The following SIDT1 variants were observed in gnomAD, a reference collection of about 807,000 sequenced individuals.
SIDT1 encodes the protein SID1 transmembrane family, member 1.
A neutral mutation model predicts 107.5 loss-of-function variants in SIDT1; 101 were observed. The observed-to-expected ratio is 0.94, with a 90% CI of 0.80 to 1.11. The LOEUF (loss-of-function observed/expected upper bound fraction) is 1.11. SIDT1 is among the 50% of genes least tolerant of loss of function. The pLI is 0.00. For synonymous variants in SIDT1, 395 were observed against 398.2 expected, an observed-to-expected ratio of 0.99 and a Z score of 0.10; for missense variants, 1,076 against 1,058.2, an observed-to-expected ratio of 1.02 and a Z score of -0.23.
rs1180369250 is a variant in SIDT1 at position 113,533,098 on chromosome 3, C to T, written c.77C>T (p.Ala26Val). ...CTGGCGGCGTCGCCCGGGCACCCGGCGAAATCCCCCAGGCAGCCCCCGGCA... is the reference window on the plus strand; with the variant it reads ...CTGGCGGCGTCGCCCGGGCACCCGGTGAAATCCCCCAGGCAGCCCCCGGCA... ...LLLAASPGHP[A>V]KSPRQPPAPR... is the part of the protein sequence containing the mutation. The change falls in exon 1 of 25, where the codon GCG becomes GTG. Residue 26 changes from alanine (A) to valine (V), a missense_variant. Ala to Val is a moderately conservative substitution (Grantham distance 64). Transcript: ENST00000264852. 5 of 1,524,370 alleles carry T rather than the reference C, an allele frequency of 3.3e-6. No individual in the cohort carries two copies. The highest frequency in any genetic ancestry group is 4.4e-6 in the Non-Finnish European group (5 of 1,136,838). The allele number at this position is 1,524,370 out of a possible 1,614,324, so 94.4% of individuals were successfully genotyped here. A position where few individuals can be genotyped will look rare whatever the true frequency, so the allele number is the denominator to read the frequency against.
intron 19 of SIDT1, chr3:113,612,517 A>G: frequency 2.3e-6 from 1 of 439,918 alleles, no homozygotes; most frequent in Non-Finnish European, 4.4e-6. Context: ...TGGTATGATC[A>G]TACCACTAGT....
In SIDT1 at chr3:113,593,104, C is replaced by A; in HGVS notation, c.1045+56C>A. The stretch of plus-strand genomic sequence containing the variant: ...TGGTGTCGCATAGTGTGGCAACATC[C>A]CATTTCATGCTTCTTTTACCTCTCT... On this transcript the variant is annotated intron_variant, in intron 10 of 24. Coordinates refer to ENST00000264852, the MANE Select transcript of SIDT1 (RefSeq NM_017699.3). The A allele has an allele frequency of 1.5e-6, 2 of 1,367,452 alleles. 1 individual carries two copies. The highest frequency in any genetic ancestry group is 2.3e-5 in the South Asian group (2 of 86,082). The allele number at this position is 1,367,452 out of a possible 1,614,324, so 84.7% of individuals were successfully genotyped here.
At chr3:113,600,965 C>T (rs1944918621) in intron 10 of SIDT1, among the ~76,000 whole-genome samples, 1 of 152,164 alleles carries the variant, frequency 6.6e-6, no homozygotes, top group South Asian at 2.1e-4. Flanking sequence ...GTGCTAAGGG[C>T]CCTGGGAACA....
chr3:113,599,895 C>T (rs1003240883), intron 10 of SIDT1, among the ~76,000 whole-genome samples: 16 of 151,964 alleles, frequency 1.1e-4, no homozygotes, highest in African/African-American at 3.6e-4. Context: ...CTTATAACAA[C>T]AAAAAAGAGG....
At chr3:113,622,487 A>G (rs1415007705) in intron 21 of SIDT1, among the ~76,000 whole-genome samples, 1 of 143,590 alleles carries the variant, frequency 7.0e-6, no homozygotes, top group African/African-American at 2.5e-5. Context: ...AAAAAAAAAA[A>G]AACTATTTCA....
At chr3:113,614,966 G>T in intron 19 of SIDT1, 1 of 1,313,198 alleles carries the variant, frequency 7.6e-7, no homozygotes, top group South Asian at 1.3e-5. Flanking sequence ...CATCCATCTT[G>T]AGAAAAAATA....
At chr3:113,615,102 G>A in intron 19 of SIDT1, 1 of 1,535,486 alleles carries the variant, frequency 6.5e-7, no homozygotes, top group Non-Finnish European at 8.7e-7. Context: ...CCCTTTCCAG[G>A]GGTCTAGATT....
At chr3:113,537,688 G>A (rs1194101143) in intron 1 of SIDT1, among the ~76,000 whole-genome samples, 1 of 152,240 alleles carries the variant, frequency 6.6e-6, no homozygotes, top group Non-Finnish European at 1.5e-5. Flanking sequence ...TGTCTGGTGA[G>A]GCCCTGCTTC....
At chr3:113,579,199 G>A (rs978080754) in intron 4 of SIDT1, among the ~76,000 whole-genome samples, 5 of 152,122 alleles carry the variant, frequency 3.3e-5, no homozygotes, top group Non-Finnish European at 7.4e-5. Context: ...GGTATTTGTC[G>A]TTCGCTTCTT....
intron 19 of SIDT1, 134 bp from the exon 20 acceptor site, chr3:113,615,966 T>G (rs1946075000): frequency 1.4e-6 from 1 of 731,266 alleles, no homozygotes; most frequent in African/African-American, 1.7e-5. Context: ...GCGCACCTAT[T>G]AGGTGCAAAG....
chr3:113,590,604 C>T (rs944583496), intron 9 of SIDT1, among the ~76,000 whole-genome samples: 1 of 152,104 alleles, frequency 6.6e-6, no homozygotes, highest in Admixed American at 6.5e-5. Flanking sequence ...AAAAGAAACT[C>T]CGAGTTTAAC....
chr3:113,596,806 TGG>T (rs1944589129), intron 10 of SIDT1, among the ~76,000 whole-genome samples: 3 of 152,158 alleles, frequency 2.0e-5, no homozygotes, highest in Non-Finnish European at 4.4e-5. Flanking sequence ...CACCAGGAAC[TGG>T]GGTACAACAG....
chr3:113,570,895 C>G (rs892297070), intron 3 of SIDT1, among the ~76,000 whole-genome samples: 11 of 152,168 alleles, frequency 7.2e-5, no homozygotes, highest in African/African-American at 2.7e-4. Context: ...GGAATCTAAT[C>G]CACCTGCCTC....
downstream of SIDT1, among the ~76,000 whole-genome samples, chr3:113,630,018 AG>A (rs1947075357): frequency 6.6e-6 from 1 of 152,188 alleles, no homozygotes; most frequent in South Asian, 2.1e-4. Flanking sequence ...GCTGGGGCAG[AG>A]GGGAGCACAG....
chr3:113,555,056 T>A (rs1940694095), intron 1 of SIDT1, among the ~76,000 whole-genome samples: 1 of 152,204 alleles, frequency 6.6e-6, no homozygotes, highest in Non-Finnish European at 1.5e-5. Flanking sequence ...CTTATAACAC[T>A]CTTTGGGGTT....
intron 1 of SIDT1, among the ~76,000 whole-genome samples, chr3:113,563,496 G>T (rs923232557): frequency 6.6e-6 from 1 of 152,194 alleles, no homozygotes; most frequent in Admixed American, 6.5e-5. Flanking sequence ...GAAGCCTCTA[G>T]ATCTAACTAC....
the SIDT1 span, among the ~76,000 whole-genome samples, chr3:113,636,211 C>A: frequency 6.6e-6 from 1 of 151,964 alleles, no homozygotes; most frequent in Admixed American, 6.6e-5. Context: ...TTGAGCCCAG[C>A]CTGGCCAACA....
At chr3:113,571,513 A>ACACACACACACAC in intron 3 of SIDT1, among the ~76,000 whole-genome samples, 1 of 79,108 alleles carries the variant, frequency 1.3e-5, no homozygotes, top group Non-Finnish European at 2.5e-5. Flanking sequence ...CACACACATA[A>ACACACACACACAC]ACTGTGCCAC....
chr3:113,533,568 G>A (rs1937728134), intron 1 of SIDT1, among the ~76,000 whole-genome samples: 1 of 152,188 alleles, frequency 6.6e-6, no homozygotes, highest in South Asian at 2.1e-4. Context: ...AGGGTTGCGG[G>A]GTGTGGTGTG....
Sources: gnomAD v4.1 joint callset for allele counts (sites outside exome capture counted in the v4.1 genomes callset) on GRCh38, gnomAD v4.1.1 for gene constraint, MANE v1.5 for transcripts, NCBI Gene and HGNC (gene_info 2026-07-23, HGNC 2026-07-21) for gene names.